The following PCDH9 variants were observed in gnomAD, a reference collection of about 807,000 sequenced individuals.
The protein encoded by PCDH9 is protocadherin-9.
In PCDH9, 24 loss-of-function variants were observed where a neutral mutation model predicts 70.6. The ratio of observed to expected loss-of-function variants is 0.34; its 90% CI spans 0.25 to 0.48. PCDH9 has a LOEUF of 0.48. PCDH9 is among the 20% of genes least tolerant of loss of function. The pLI is 0.99. For synonymous variants in PCDH9, 562 were observed against 558.5 expected (o/e 1.01, Z -0.09); for missense variants, 1,281 against 1,503.6 (o/e 0.85, Z 2.45).
intron 2 of PCDH9, among the ~76,000 whole-genome samples, chr13:67,033,444 C>G (rs1191104925): frequency 6.6e-6 from 1 of 152,108 alleles, no homozygotes. Flanking sequence ...TTCTTTCTTT[C>G]CCCTTTTTTC....
intron 3 of PCDH9, among the ~76,000 whole-genome samples, chr13:66,856,013 T>C (rs61959204): frequency 1.3e-5 from 2 of 151,934 alleles, no homozygotes; most frequent in Non-Finnish European, 2.9e-5. Context: ...GAGAGGTAAA[T>C]AGAGAAAGGT....
chr13:66,738,160 GC>G (rs754861712), intron 3 of PCDH9, among the ~76,000 whole-genome samples: 8 of 152,154 alleles, frequency 5.3e-5, no homozygotes, highest in Non-Finnish European at 8.8e-5. Context: ...CGGGCAGACG[GC>G]CTCCTCAAGT....
In PCDH9 at chr13:66,809,938, T is replaced by A. The variant is rs570589449; in HGVS notation, c.3138+93566A>T. Among the ~76,000 whole-genome samples, 9 of 152,162 alleles carry A rather than the reference T, an allele frequency of 5.9e-5. No homozygotes were observed. In the East Asian group the frequency reaches 1.7e-3, roughly 29 times the overall value. On this transcript the variant is annotated intron_variant, in intron 3 of 4. Transcript: ENST00000377865. ...GGCTAAAGAAAGCAACATTTAAAAA[T>A]AATACTAACTCCAGTATTGAAAAAT...
chr13:66,929,984 G>C (rs182564845), intron 2 of PCDH9, among the ~76,000 whole-genome samples: 1 of 152,114 alleles, frequency 6.6e-6, no homozygotes, highest in Non-Finnish European at 1.5e-5. Context: ...GTAGTTATCC[G>C]GTTAAACAGA....
chr13:67,059,411 A>G (rs2085492624), intron 2 of PCDH9, among the ~76,000 whole-genome samples: 2 of 145,078 alleles, frequency 1.4e-5, no homozygotes. Context: ...GTGTATATAT[A>G]TGGTATATAT....
At chr13:66,849,492 A>G (rs1471425940) in intron 3 of PCDH9, among the ~76,000 whole-genome samples, 2 of 49,072 alleles carry the variant, frequency 4.1e-5, no homozygotes, top group Non-Finnish European at 7.8e-5. Flanking sequence ...GTAGGTATAT[A>G]TATATATATA....
intron 4 of PCDH9, among the ~76,000 whole-genome samples, chr13:66,429,456 C>G (rs1478160706): frequency 1.4e-5 from 2 of 147,148 alleles, no homozygotes; most frequent in African/African-American, 5.1e-5. Flanking sequence ...ATTTTGCACC[C>G]ACAGTGGGTA....
chr13:66,357,492 CT>C (rs1333487016), intron 4 of PCDH9, among the ~76,000 whole-genome samples: 2 of 151,988 alleles, frequency 1.3e-5, no homozygotes, highest in Admixed American at 1.3e-4. Context: ...AATTTATCAA[CT>C]AATTTTTTTT....
rs575728395 is a variant in PCDH9, at chr13:66,632,097, G to A, written c.3139-686C>T. Among the ~76,000 whole-genome samples, 58 of 152,232 alleles carry A rather than the reference G, an allele frequency of 3.8e-4. No homozygotes were observed. In the South Asian group the frequency reaches 0.012, roughly 31 times the overall value. On this transcript the variant is annotated intron_variant, in intron 3 of 4. Coordinates refer to ENST00000377865, the MANE Select transcript of PCDH9 (RefSeq NM_203487.3). Reference sequence around the variant, plus strand: ...TTTAGTAGAGATGGGGTTTCACCATGTTGGCCAGGCTGATCTTGAACTCCT... The same window carrying A: ...TTTAGTAGAGATGGGGTTTCACCATATTGGCCAGGCTGATCTTGAACTCCT...
At chr13:66,702,216 G>T (rs914747682) in intron 3 of PCDH9, among the ~76,000 whole-genome samples, 2 of 152,030 alleles carry the variant, frequency 1.3e-5, no homozygotes, top group African/African-American at 4.8e-5. Context: ...ATTTTGCAAA[G>T]GGGAATATAG....
intron 3 of PCDH9, among the ~76,000 whole-genome samples, chr13:66,718,140 GAAAT>G (rs1593946125): frequency 1.3e-5 from 2 of 152,110 alleles, no homozygotes; most frequent in African/African-American, 4.8e-5. Flanking sequence ...AAACATTCTG[GAAAT>G]AAATATTTTA....
At chr13:66,697,260 A>G (rs532169008) in intron 3 of PCDH9, among the ~76,000 whole-genome samples, 50 of 152,132 alleles carry the variant, frequency 3.3e-4, no homozygotes, top group African/African-American at 1.2e-3. Context: ...ATCATAAATC[A>G]TTTTTTAAAA....
At chr13:67,057,312 T>C (rs1566394288) in intron 2 of PCDH9, among the ~76,000 whole-genome samples, 1 of 151,858 alleles carries the variant, frequency 6.6e-6, no homozygotes, top group East Asian at 1.9e-4. Flanking sequence ...CTGATTAACA[T>C]GAGCTTGGGA....
chr13:66,653,736 G>C (rs1053172027), intron 3 of PCDH9, among the ~76,000 whole-genome samples: 1 of 151,988 alleles, frequency 6.6e-6, no homozygotes, highest in African/African-American at 2.4e-5. Flanking sequence ...GGGAGGCCGA[G>C]GTTGGCGGAT....
At chr13:67,191,399 T>G (rs2088909185) in intron 2 of PCDH9, among the ~76,000 whole-genome samples, 2 of 152,178 alleles carry the variant, frequency 1.3e-5, no homozygotes, top group Admixed American at 6.5e-5. Context: ...GATAAAAATT[T>G]GAATAAATTT....
intron 4 of PCDH9, among the ~76,000 whole-genome samples, chr13:66,539,930 G>A (rs1024063213): frequency 1.5e-5 from 2 of 134,414 alleles, no homozygotes; most frequent in African/African-American, 2.9e-5. Flanking sequence ...CAGTGTAGTA[G>A]TGGAATCAAG....
At position 66,930,576 on chromosome 13, in the gene PCDH9, A is replaced by G. The variant is rs115144363; in HGVS notation, c.3037-26971T>C. On this transcript the variant is annotated intron_variant, in intron 2 of 4. Coordinates refer to ENST00000377865, the MANE Select transcript of PCDH9 (RefSeq NM_203487.3). ...ACAAGATTACTTCATCTGACTACAC[A>G]TATATTGTAGGGATTATGAACAACT... Among the ~76,000 whole-genome samples the G allele has an allele frequency of 7.3e-3, 1,110 of 152,254 alleles. 18 individuals carry two copies. The highest frequency in any genetic ancestry group is 0.026 in the African/African-American group (1,064 of 41,552).
In PCDH9 at chr13:66,903,547, G is replaced by A. The variant is rs369628880; in HGVS notation, c.3095C>T (p.Ser1032Phe). Residue 1032 changes from serine (S) to phenylalanine (F), a missense_variant, in exon 3 of 5, where the codon TCC becomes TTC. Coordinates refer to ENST00000377865, the MANE Select transcript of PCDH9 (RefSeq NM_203487.3). The stretch of plus-strand genomic sequence containing the variant: ...ATTCTCCTGAATGTGGAAACCCGTG[G>A]AGCTGGGACATTTCTGAGGAGTGAC... Reference protein sequence around the residue: ...IPVTPQKCPSSTGFHIQENEE... With the variant: ...IPVTPQKCPSFTGFHIQENEE... 45 of 1,585,656 alleles carry A rather than the reference G, an allele frequency of 2.8e-5. No homozygotes were observed. The highest frequency in any genetic ancestry group is 3.8e-5 in the Non-Finnish European group (44 of 1,155,430).
chr13:66,883,679 G>T (rs923929714), intron 3 of PCDH9, among the ~76,000 whole-genome samples: 1 of 152,096 alleles, frequency 6.6e-6, no homozygotes. Context: ...GAAACCTGGG[G>T]TTTTTAATAT....
Sources: allele counts gnomAD v4.1 joint callset (sites outside exome capture counted in the v4.1 genomes callset), GRCh38; gene constraint gnomAD v4.1.1; transcripts MANE v1.5; gene names NCBI Gene and HGNC (gene_info 2026-07-23, HGNC 2026-07-21).